BICRAL: variants seen among roughly 807,000 people sequenced by gnomAD.
BICRAL encodes BICRA like chromatin remodeling complex associated protein.
Under a neutral mutation model 91.8 loss-of-function variants are expected in BICRAL, and 8 were observed. That is an observed-to-expected ratio of 0.09 (90% CI 0.05 to 0.16). The LOEUF is 0.16. BICRAL is among the 10% of genes least tolerant of loss of function. The pLI is 1.00. For synonymous variants in BICRAL, 445 were observed against 491.1 expected (o/e 0.91, Z 1.24); for missense variants, 1,038 against 1,310.9 (o/e 0.79, Z 3.21).
intron 1 of BICRAL, among the ~76,000 whole-genome samples, chr6:42,790,401 C>G (rs927002617): frequency 2.8e-5 from 4 of 144,010 alleles, no homozygotes; most frequent in Non-Finnish European, 6.0e-5. Context: ...GCCTCAAACT[C>G]CTGGGCTCAA....
rs930334168 is a variant in BICRAL at position 42,782,533 on chromosome 6, G to A, written c.-102+432G>A. On this transcript the variant is annotated intron_variant, in intron 1 of 12. Transcript: ENST00000314073. ...GAGGCCGGGCCGGGGGCGCCTCGGC[G>A]GGGTGGGGGCCCGGCGCCTTTCTTT... Among the ~76,000 whole-genome samples, 10 of 151,644 alleles carry A rather than the reference G, an allele frequency of 6.6e-5. 1 individual carries two copies. In the East Asian group the frequency reaches 1.9e-3, roughly 30 times the overall value.
At position 42,798,387 on chromosome 6, in the gene BICRAL, A is replaced by AT. The variant is rs200109272; in HGVS notation, c.-101-11919_-101-11918insT. Among the ~76,000 whole-genome samples the AT allele has an allele frequency of 8.4e-3, 960 of 114,192 alleles. 4 individuals are homozygous for AT. Among genetic ancestry groups the AT allele is most frequent in the Middle Eastern group, 0.038 (10 of 266 alleles). The allele number at this position is 114,192 out of a possible 152,430, so 74.9% of individuals were successfully genotyped here. A position where few individuals can be genotyped will look rare whatever the true frequency, so the allele number is the denominator to read the frequency against. ...TCACATAAACTAGAAAAAGAAAAAAAATTTTTTTAATTAGAAAAAAAAAGG... is the reference window on the plus strand; with the variant it reads ...TCACATAAACTAGAAAAAGAAAAAAATATTTTTTTAATTAGAAAAAAAAAGG... On this transcript the variant is annotated intron_variant, in intron 1 of 12. Transcript: ENST00000314073.
Position 42,860,273 on chromosome 6 carries a change from T to G in BICRAL, c.2266T>G (p.Phe756Val). The G allele has an allele frequency of 2.5e-6, 4 of 1,595,602 alleles. No homozygotes were observed. Among genetic ancestry groups the G allele is most frequent in the Non-Finnish European group, 3.4e-6 (4 of 1,163,504 alleles). The change falls in exon 11 of 13, where the codon TTT (phenylalanine) becomes GTT (valine). Residue 756 changes from phenylalanine (F) to valine (V), a missense_variant. By Grantham distance (50) the Phe-to-Val change is conservative. Coordinates refer to ENST00000314073, the MANE Select transcript of BICRAL (RefSeq NM_001393499.1). ...CTCTCTTTTTAAAGTGGACAATGAA[T>G]TTGAGACAGTTGCCACTCAGCTCCT... ...EEDLRKVDNE[F>V]ETVATQLLKR...
chr6:42,795,102 A>T (rs1763385292), intron 1 of BICRAL, among the ~76,000 whole-genome samples: 1 of 152,196 alleles, frequency 6.6e-6, no homozygotes, highest in African/African-American at 2.4e-5. Flanking sequence ...AAGTTGTCTA[A>T]CTTGTTTTCC....
Position 42,829,096 on chromosome 6 carries a change from G to A in BICRAL, c.763G>A (p.Val255Ile), listed in dbSNP as rs747523790. The change falls in exon 6 of 13, where the codon GTT becomes ATT. Residue 255 changes from valine to isoleucine, a missense_variant. Coordinates refer to ENST00000314073, the MANE Select transcript of BICRAL (RefSeq NM_001393499.1). ...APSNVSGGLL[V>I]HRQTPNGNSL... is the part of the protein sequence containing the mutation. Reference sequence around the variant, plus strand: ...ATCAAATGTGAGTGGAGGGCTCCTGGTTCATAGACAGACTCCTAATGGCAA... The same window carrying A: ...ATCAAATGTGAGTGGAGGGCTCCTGATTCATAGACAGACTCCTAATGGCAA... The A allele has an allele frequency of 6.2e-7, 1 of 1,614,116 alleles. No homozygotes were observed. Among genetic ancestry groups the A allele is most frequent in the Admixed American group, 1.7e-5 (1 of 60,012 alleles).
At position 42,829,115 on chromosome 6, in the gene BICRAL, A is replaced by C. The variant is rs1229555288; in HGVS notation, c.782A>C (p.Asn261Thr). 1.9e-6 allele frequency: 3 copies of C among 1,614,128 alleles called. No homozygotes were observed. In the East Asian group the frequency reaches 6.7e-5, roughly 36 times the overall value. The part of the protein sequence containing the change: ...GGLLVHRQTP[N>T]GNSLFGNSSS... The stretch of plus-strand genomic sequence containing the variant: ...CTCCTGGTTCATAGACAGACTCCTA[A>C]TGGCAACTCCTTGTTTGGGAACTCT... Residue 261 changes from asparagine to threonine, a missense_variant, in exon 6 of 13, where the codon AAT (asparagine) becomes ACT (threonine). Transcript: ENST00000314073.
Position 42,868,271 on chromosome 6 carries a change from G to A in BICRAL, c.*2825G>A, listed in dbSNP as rs1174793329. 3 of 152,496 alleles carry A rather than the reference G, an allele frequency of 2.0e-5. No homozygotes were observed. Among genetic ancestry groups the A allele is most frequent in the South Asian group, 4.1e-4 (2 of 4,822 alleles). The allele number at this position is 152,496 out of a possible 1,614,324, so 9.4% of individuals were successfully genotyped here. A position where few individuals can be genotyped will look rare whatever the true frequency, so the allele number is the denominator to read the frequency against. ...CAGACTGACTTTACTTAAAGAGGAC[G>A]CGTCACTCGCTGTCAGTGTGGTGTG... is the stretch of plus-strand genomic sequence containing the variant. On this transcript the variant is annotated 3_prime_UTR_variant, in exon 13 of 13. Coordinates refer to ENST00000314073, the MANE Select transcript of BICRAL (RefSeq NM_001393499.1).
rs748208410 is a variant in BICRAL, at chr6:42,866,853, T to C, written c.*1407T>C. ...TTGTTACCTTTATTCTTAATGTCATTGTAACCATCACTTATCTCCTCTCAT... is the reference window on the plus strand; with the variant it reads ...TTGTTACCTTTATTCTTAATGTCATCGTAACCATCACTTATCTCCTCTCAT... On this transcript the variant is annotated 3_prime_UTR_variant, in exon 13 of 13. Coordinates refer to ENST00000314073, the MANE Select transcript of BICRAL (RefSeq NM_001393499.1). The C allele has an allele frequency of 6.6e-6, 3 of 456,218 alleles. No homozygotes were observed. Among genetic ancestry groups the C allele is most frequent in the African/African-American group, 6.0e-5 (3 of 50,080 alleles). 28.3% of individuals were successfully genotyped at this position (456,218 alleles called of 1,614,324 possible). A position where few individuals can be genotyped will look rare whatever the true frequency, so the allele number is the denominator to read the frequency against.
At chr6:42,786,345 A>G (rs1209628804) in intron 1 of BICRAL, among the ~76,000 whole-genome samples, 1 of 152,176 alleles carries the variant, frequency 6.6e-6, no homozygotes, top group Non-Finnish European at 1.5e-5. Flanking sequence ...TCCAGTCTAG[A>G]CCACTAGGTG....
chr6:42,754,085 C>T (rs1270548667), intron 1 of BICRAL, among the ~76,000 whole-genome samples: 1 of 151,590 alleles, frequency 6.6e-6, no homozygotes, highest in Non-Finnish European at 1.5e-5. Flanking sequence ...AGCCACTACA[C>T]TTCATGGGAA....
chr6:42,834,514 A>T (rs910233767), intron 6 of BICRAL, among the ~76,000 whole-genome samples: 4 of 152,264 alleles, frequency 2.6e-5, no homozygotes, highest in African/African-American at 9.6e-5. Flanking sequence ...TAATTCCTTC[A>T]TTTGTCCTGT....
intron 11 of BICRAL, among the ~76,000 whole-genome samples, chr6:42,861,977 C>T (rs538392420): frequency 1.1e-4 from 16 of 151,904 alleles, no homozygotes; most frequent in African/African-American, 2.9e-4. Flanking sequence ...CCAGGCTGGG[C>T]GACAGAGCGA....
chr6:42,803,162 ATGTT>A (rs1474853993), intron 1 of BICRAL, among the ~76,000 whole-genome samples: 2 of 152,234 alleles, frequency 1.3e-5, no homozygotes, highest in African/African-American at 2.4e-5. Flanking sequence ...ACTGTGCTAA[ATGTT>A]TGGAGACTTC....
At chr6:42,773,102 G>A (rs1464031507) in intron 1 of BICRAL, among the ~76,000 whole-genome samples, 3 of 150,284 alleles carry the variant, frequency 2.0e-5, no homozygotes, top group East Asian at 1.9e-4. Context: ...TTTTTGAGAC[G>A]GAGTCTTGCT....
chr6:42,798,727 A>G (rs943812221), intron 1 of BICRAL, among the ~76,000 whole-genome samples: 2 of 152,220 alleles, frequency 1.3e-5, no homozygotes, highest in African/African-American at 4.8e-5. Context: ...TAGTGTTTGC[A>G]TATAACCTAC....
intron 6 of BICRAL, among the ~76,000 whole-genome samples, chr6:42,840,362 C>T (rs1266489653): frequency 4.6e-5 from 7 of 151,336 alleles, no homozygotes; most frequent in Non-Finnish European, 1.0e-4. Flanking sequence ...CCTGCCTCAG[C>T]CTCCCAAGTA....
At chr6:42,782,303 C>G (rs1418196872) in intron 1 of BICRAL, among the ~76,000 whole-genome samples, 1 of 133,984 alleles carries the variant, frequency 7.5e-6, no homozygotes, top group Non-Finnish European at 1.5e-5. Flanking sequence ...GGTTTCAGCC[C>G]AGAGAGCTAT....
Position 42,828,571 on chromosome 6 carries a change from A to G in BICRAL, c.238A>G (p.Ser80Gly), listed in dbSNP as rs143449287. The change falls in exon 6 of 13, where the codon AGT becomes GGT. Residue 80 changes from serine (S) to glycine (G), a missense_variant. Transcript: ENST00000314073. ...GCCCAGTGATGGACTGCCACTTTCA[A>G]GTAGCCTCCAGTTTCTTGAAGATGA... ...EGPSDGLPLS[S>G]SLQFLEDELE... is the part of the protein sequence containing the mutation. 1.0e-4 allele frequency: 165 copies of G among 1,614,164 alleles called. 1 individual carries two copies. The East Asian group carries it at 3.5e-3, about 34-fold the overall frequency.
intron 6 of BICRAL, 127 bp from the exon 7 acceptor site, chr6:42,851,965 T>A (rs961019288): frequency 3.8e-5 from 23 of 605,530 alleles, no homozygotes; most frequent in African/African-American, 3.5e-4. Flanking sequence ...ATTATTAAAT[T>A]TTTGGTTTGT....
Sources: gnomAD v4.1 joint callset for allele counts (sites outside exome capture counted in the v4.1 genomes callset) on GRCh38, gnomAD v4.1.1 for gene constraint, MANE v1.5 for transcripts, NCBI Gene and HGNC (gene_info 2026-07-23, HGNC 2026-07-21) for gene names.